CTNND2: variants seen among roughly 807,000 people sequenced by gnomAD.
CTNND2 encodes the protein catenin delta-2.
A neutral mutation model predicts 144.4 loss-of-function variants in CTNND2; 22 were observed. That is an observed-to-expected ratio of 0.15 (90% CI 0.11 to 0.22). The LOEUF (loss-of-function observed/expected upper bound fraction) is 0.22. Among genes scored for constraint, CTNND2 ranks in the 10% least tolerant of loss-of-function variants. CTNND2 has a pLI of 1.00. For missense variants in CTNND2, 1,353 were observed against 1,618.8 expected (o/e 0.84, Z 2.82); for synonymous variants, 751 against 695.6 (o/e 1.08, Z -1.25).
intron 10 of CTNND2, among the ~76,000 whole-genome samples, chr5:11,201,691 G>A (rs447797): frequency 6.6e-6 from 1 of 152,200 alleles, no homozygotes; most frequent in South Asian, 2.1e-4. Context: ...GGAAGAGGGA[G>A]GGATGTAGAG....
intron 20 of CTNND2, among the ~76,000 whole-genome samples, chr5:10,987,889 C>G (rs929778747): frequency 1.3e-5 from 2 of 151,902 alleles, no homozygotes; most frequent in African/African-American, 4.8e-5. Flanking sequence ...AGGAAAGGAC[C>G]GATAAAACAT....
chr5:11,731,480 G>A lies in CTNND2; in HGVS notation c.174+656C>T, dbSNP rs149750537. Among the ~76,000 whole-genome samples, 692 of 152,288 alleles carry A rather than the reference G, an allele frequency of 4.5e-3. 8 individuals are homozygous for A. Among genetic ancestry groups the A allele is most frequent in the African/African-American group, 0.014 (602 of 41,572 alleles). ...TATACTTTCTAGCACATGTTTAGAA[G>A]AAGCAGTAACTAAAAGAATCTTGAT... On this transcript the variant is annotated intron_variant, in intron 2 of 21. Transcript: ENST00000304623.
chr5:11,880,571 T>G (rs1297697467), intron 1 of CTNND2, among the ~76,000 whole-genome samples: 2 of 15,422 alleles, frequency 1.3e-4, no homozygotes, highest in South Asian at 6.9e-3. Context: ...CTACTAGTAC[T>G]ACTACTACTA....
At chr5:11,766,610 T>C (rs2126815496) in intron 1 of CTNND2, among the ~76,000 whole-genome samples, 1 of 152,266 alleles carries the variant, frequency 6.6e-6, no homozygotes, top group Middle Eastern at 3.4e-3. Context: ...CTTTTGTAAA[T>C]TGCCCAGTCT....
In CTNND2 at chr5:11,017,983, G is replaced by C. The variant is rs1455254450; in HGVS notation, c.3075C>G (p.Leu1025=). The C allele has an allele frequency of 6.2e-7, 1 of 1,613,178 alleles. No homozygotes were observed. The highest frequency in any genetic ancestry group is 8.5e-7 in the Non-Finnish European group (1 of 1,179,314). Residue 1025 remains leucine, a synonymous_variant, in exon 18 of 22, where the codon CTC becomes CTG. Transcript: ENST00000304623. The part of the protein sequence containing the change: ...SMWQYRDLRS[L]YKKDGWSQYH... ...GTGAAGCCAGCCTTACCTTTTTGTA[G>C]AGACTCCTCAGATCTCGGTACTGCC...
At chr5:11,425,902 G>A (rs1261663534) in intron 3 of CTNND2, among the ~76,000 whole-genome samples, 2 of 152,158 alleles carry the variant, frequency 1.3e-5, no homozygotes, top group East Asian at 1.9e-4. Context: ...CAACAACCCT[G>A]CTACGTCAGT....
intron 1 of CTNND2, among the ~76,000 whole-genome samples, chr5:11,762,141 G>T (rs1439205569): frequency 6.6e-6 from 1 of 152,050 alleles, no homozygotes; most frequent in Non-Finnish European, 1.5e-5. Context: ...GTCAATTCTA[G>T]AGTCCCCTAC....
At chr5:11,143,740 A>G (rs1383286202) in intron 12 of CTNND2, among the ~76,000 whole-genome samples, 1 of 152,214 alleles carries the variant, frequency 6.6e-6, no homozygotes, top group East Asian at 1.9e-4. Context: ...TAATAAGGAG[A>G]GTGAATCATT....
At chr5:11,141,053 C>T (rs867031526) in intron 12 of CTNND2, among the ~76,000 whole-genome samples, 4 of 152,114 alleles carry the variant, frequency 2.6e-5, no homozygotes, top group South Asian at 2.1e-4. Flanking sequence ...CTCCCAGGCT[C>T]AAGCGATCCT....
intron 9 of CTNND2, among the ~76,000 whole-genome samples, chr5:11,244,408 C>T (rs941847877): frequency 2.6e-5 from 4 of 151,458 alleles, no homozygotes; most frequent in Non-Finnish European, 5.9e-5. Context: ...CCTCAGCCTC[C>T]TGAGTAGCTT....
In CTNND2 at chr5:11,297,598, C is replaced by T. The variant is rs139289009; in HGVS notation, c.1628+48774G>A. ...TACTTAAAGGAGATATTAAATTAAG[C>T]ATTTAAACATTTTTAAATTTTAATA... On this transcript the variant is annotated intron_variant, in intron 9 of 21. Transcript: ENST00000304623. Among the ~76,000 whole-genome samples the T allele has an allele frequency of 7.1e-3, 1,073 of 152,188 alleles. 13 individuals carry two copies. Among genetic ancestry groups the T allele is most frequent in the African/African-American group, 0.024 (1,008 of 41,522 alleles).
At chr5:11,224,069 T>C (rs980873205) in intron 10 of CTNND2, among the ~76,000 whole-genome samples, 15 of 152,180 alleles carry the variant, frequency 9.9e-5, no homozygotes, top group Non-Finnish European at 1.5e-5. Context: ...CTTTTCCCCC[T>C]GTATTCTGAG....
At chr5:11,066,069 C>A (rs1347435900) in intron 16 of CTNND2, among the ~76,000 whole-genome samples, 1 of 148,402 alleles carries the variant, frequency 6.7e-6, no homozygotes. Context: ...CAGATGGGGT[C>A]TCACTCTGTC....
chr5:11,569,112 G>T (rs370725963), intron 2 of CTNND2, among the ~76,000 whole-genome samples: 12 of 152,266 alleles, frequency 7.9e-5, no homozygotes, highest in African/African-American at 2.9e-4. Flanking sequence ...TAATTCTGGT[G>T]GAGATGTGGT....
intron 3 of CTNND2, among the ~76,000 whole-genome samples, chr5:11,431,599 C>T (rs995179624): frequency 3.9e-5 from 6 of 152,248 alleles, no homozygotes; most frequent in African/African-American, 1.4e-4. Context: ...GGCTACTCTG[C>T]TGACAACCAT....
chr5:11,302,225 C>T (rs539006057), intron 9 of CTNND2, among the ~76,000 whole-genome samples: 3 of 152,090 alleles, frequency 2.0e-5, no homozygotes, highest in South Asian at 2.1e-4. Flanking sequence ...GGGAAGCGGG[C>T]TTGTGTTTTT....
intron 1 of CTNND2, among the ~76,000 whole-genome samples, chr5:11,771,211 G>GTTTA (rs1302426806): frequency 8.0e-6 from 1 of 125,298 alleles, no homozygotes; most frequent in African/African-American, 3.1e-5. Context: ...TTTTTTTTTG[G>GTTTA]GATGGAGTCT....
chr5:11,844,008 A>C (rs1322086942), intron 1 of CTNND2, among the ~76,000 whole-genome samples: 1 of 152,168 alleles, frequency 6.6e-6, no homozygotes, highest in Non-Finnish European at 1.5e-5. Flanking sequence ...GATTCAAGAG[A>C]ATTCAGTCTG....
intron 16 of CTNND2, among the ~76,000 whole-genome samples, chr5:11,081,863 G>A (rs61757068): frequency 0.19 from 28,745 of 152,138 alleles, 3,293 homozygotes; most frequent in Middle Eastern, 0.28. Context: ...TGGGAACAGT[G>A]TTTGCCTTTG....
Sources: gnomAD v4.1 joint callset for allele counts (sites outside exome capture counted in the v4.1 genomes callset) on GRCh38, gnomAD v4.1.1 for gene constraint, MANE v1.5 for transcripts, NCBI Gene and HGNC (gene_info 2026-07-23, HGNC 2026-07-21) for gene names.